SLC8A3: variants seen among roughly 807,000 people sequenced by gnomAD.
SLC8A3 encodes solute carrier family 8 member A3.
A neutral mutation model predicts 65.4 loss-of-function variants in SLC8A3; 37 were observed. The observed-to-expected ratio is 0.57, with a 90% CI of 0.44 to 0.74. The LOEUF is 0.74. Among genes scored for constraint, SLC8A3 ranks in the 30% least tolerant of loss-of-function variants. The probability of loss-of-function intolerance (pLI) is 0.00; values close to 1 mark genes in which losing one functional copy is unlikely to be tolerated. For missense variants in SLC8A3, 1,112 were observed against 1,172.1 expected (o/e 0.95, Z 0.75); for synonymous variants, 461 against 444.5 (o/e 1.04, Z -0.47).
At chr14:70,110,527 CT>C (rs917035572) in intron 2 of SLC8A3, among the ~76,000 whole-genome samples, 4 of 151,032 alleles carry the variant, frequency 2.6e-5, no homozygotes, top group African/African-American at 4.9e-5. Context: ...GGATCTCATT[CT>C]TTTTTTTTAT....
At chr14:70,110,940 A>G (rs1376084945) in intron 2 of SLC8A3, among the ~76,000 whole-genome samples, 1 of 151,754 alleles carries the variant, frequency 6.6e-6, no homozygotes, top group Non-Finnish European at 1.5e-5. Context: ...TCGGCCTCCC[A>G]AAGTGCTGGG....
chr14:70,100,806 T>A (rs1475562461), intron 2 of SLC8A3, among the ~76,000 whole-genome samples: 1 of 152,220 alleles, frequency 6.6e-6, no homozygotes, highest in Non-Finnish European at 1.5e-5. Context: ...GAACTCCTGA[T>A]TAGAGGCCAG....
At chr14:70,156,877 G>C (rs1295730461) in intron 2 of SLC8A3, among the ~76,000 whole-genome samples, 1 of 152,198 alleles carries the variant, frequency 6.6e-6, no homozygotes, top group East Asian at 1.9e-4. Context: ...CCAGAAAGAG[G>C]CTTTGAAAGT....
chr14:70,139,003 G>A (rs1895397632), intron 2 of SLC8A3, among the ~76,000 whole-genome samples: 1 of 152,312 alleles, frequency 6.6e-6, no homozygotes, highest in Middle Eastern at 3.4e-3. Flanking sequence ...TTTTCCTGCT[G>A]TCCCAATGTT....
chr14:70,173,560 A>C (rs1897679900), intron 1 of SLC8A3, among the ~76,000 whole-genome samples: 1 of 152,072 alleles, frequency 6.6e-6, no homozygotes, highest in Admixed American at 6.5e-5. Context: ...GACTGAGCAA[A>C]TTCTCCCTCC....
At chr14:70,106,785 T>G (rs1892905733) in intron 2 of SLC8A3, among the ~76,000 whole-genome samples, 5 of 152,154 alleles carry the variant, frequency 3.3e-5, no homozygotes, top group Admixed American at 3.3e-4. Context: ...TGTATTTACT[T>G]GTCTATATTC....
At chr14:70,181,218 T>C (rs769777033) in intron 1 of SLC8A3, among the ~76,000 whole-genome samples, 14 of 152,198 alleles carry the variant, frequency 9.2e-5, no homozygotes, top group Admixed American at 2.0e-4. Flanking sequence ...TTATCACCAA[T>C]TCATTGCCTC....
At chr14:70,075,669 C>T (rs943313942) in intron 2 of SLC8A3, among the ~76,000 whole-genome samples, 1 of 152,176 alleles carries the variant, frequency 6.6e-6, no homozygotes, top group Non-Finnish European at 1.5e-5. Flanking sequence ...AATTTATCTC[C>T]CTGCTTCCAT....
intron 2 of SLC8A3, among the ~76,000 whole-genome samples, chr14:70,156,345 A>G (rs1420390375): frequency 6.6e-6 from 1 of 152,228 alleles, no homozygotes; most frequent in Non-Finnish European, 1.5e-5. Flanking sequence ...TAGTGACAAT[A>G]ATTTCATTCT....
At chr14:70,063,423 T>C (rs774904203) in intron 2 of SLC8A3, among the ~76,000 whole-genome samples, 4 of 152,262 alleles carry the variant, frequency 2.6e-5, no homozygotes, top group Non-Finnish European at 5.9e-5. Flanking sequence ...TTCTCAGTGC[T>C]GCTCTTCTGT....
At chr14:70,100,934 G>T (rs1398943551) in intron 2 of SLC8A3, among the ~76,000 whole-genome samples, 1 of 152,202 alleles carries the variant, frequency 6.6e-6, no homozygotes, top group Non-Finnish European at 1.5e-5. Context: ...AAAGGGTTTT[G>T]TGAGGCTCAG....
At chr14:70,094,493 A>C (rs1361972659) in intron 2 of SLC8A3, among the ~76,000 whole-genome samples, 1 of 152,266 alleles carries the variant, frequency 6.6e-6, no homozygotes, top group Non-Finnish European at 1.5e-5. Context: ...TCCACAAATG[A>C]AAATATTTCA....
chr14:70,061,857 T>G (rs138733848), intron 2 of SLC8A3, among the ~76,000 whole-genome samples: 1 of 152,206 alleles, frequency 6.6e-6, no homozygotes, highest in African/African-American at 2.4e-5. Flanking sequence ...GTGATGGAAG[T>G]TTCTGTTCAT....
intron 2 of SLC8A3, among the ~76,000 whole-genome samples, chr14:70,134,516 C>G (rs923678391): frequency 6.6e-6 from 1 of 152,174 alleles, no homozygotes; most frequent in Non-Finnish European, 1.5e-5. Context: ...ACACCACCCT[C>G]AAGTCCTTCC....
chr14:70,188,448 C>A lies in SLC8A3; in HGVS notation c.-132G>T, dbSNP rs1478864473. ...TGAGGAAGGTACGCGATGCCCCCGC[C>A]GCCCGGCGCCTCACCGGTCGCAGCG... On this transcript the variant is annotated 5_prime_UTR_variant, in exon 1 of 7. Transcript: ENST00000356921. 6.6e-6 allele frequency: 1 copy of A among 152,000 alleles called. No homozygotes were observed. The highest frequency in any genetic ancestry group is 2.4e-5 in the African/African-American group (1 of 41,390). 9.4% of individuals were successfully genotyped at this position (152,000 alleles called of 1,614,324 possible).
chr14:70,188,696 C>T lies in SLC8A3; in HGVS notation c.-380G>A, dbSNP rs921952800. On this transcript the variant is annotated 5_prime_UTR_variant, in exon 1 of 7. Transcript: ENST00000356921. ...GATTTCAGAAAGAGGGAAACCCCGA[C>T]CCAGAGCGGTGACTGGAATCTACGC... The T allele has an allele frequency of 1.3e-5, 2 of 152,218 alleles. No homozygotes were observed. Among genetic ancestry groups the T allele is most frequent in the Non-Finnish European group, 2.9e-5 (2 of 68,064 alleles). The allele number at this position is 152,218 out of a possible 1,614,324, so 9.4% of individuals were successfully genotyped here. A position where few individuals can be genotyped will look rare whatever the true frequency, so the allele number is the denominator to read the frequency against.
chr14:70,097,280 T>C (rs1350901577), intron 2 of SLC8A3, among the ~76,000 whole-genome samples: 4 of 66,164 alleles, frequency 6.0e-5, no homozygotes, highest in African/African-American at 1.3e-4. Flanking sequence ...GAAAAGCATT[T>C]TCCTTTAAAA....
chr14:70,156,721 G>T (rs1896596028), intron 2 of SLC8A3, among the ~76,000 whole-genome samples: 4 of 152,140 alleles, frequency 2.6e-5, no homozygotes, highest in Admixed American at 2.6e-4. Context: ...GCTGGCTCTG[G>T]CTGAGTCCAG....
At chr14:70,152,014 G>T (rs906726616) in intron 2 of SLC8A3, among the ~76,000 whole-genome samples, 33 of 152,226 alleles carry the variant, frequency 2.2e-4, no homozygotes, top group African/African-American at 7.9e-4. Flanking sequence ...ACATACATTT[G>T]GGAGGAGGAA....
Sources: allele counts gnomAD v4.1 joint callset (sites outside exome capture counted in the v4.1 genomes callset), GRCh38; gene constraint gnomAD v4.1.1; transcripts MANE v1.5; gene names NCBI Gene and HGNC (gene_info 2026-07-23, HGNC 2026-07-21).